Variants in SYNDIG1 observed in about 807,000 individuals in gnomAD.
SYNDIG1 encodes the protein synapse differentiation inducing 1, also known as synapse differentiation-inducing gene protein 1.
Under a neutral mutation model 19.4 loss-of-function variants are expected in SYNDIG1, and 9 were observed. The ratio of observed to expected loss-of-function variants is 0.46; its 90% CI spans 0.28 to 0.81. The LOEUF (loss-of-function observed/expected upper bound fraction) is 0.81. Ranked by LOEUF, SYNDIG1 falls within the 30% of genes least tolerant of loss-of-function variation. The pLI, the probability that SYNDIG1 is intolerant of heterozygous loss-of-function variation, is 0.12. For missense variants in SYNDIG1, 311 were observed against 343.3 expected, an observed-to-expected ratio of 0.91 and a Z score of 0.74; for synonymous variants, 141 against 145.9, an observed-to-expected ratio of 0.97 and a Z score of 0.24.
At chr20:24,485,473 G>A (rs915800039) in intron 1 of SYNDIG1, among the ~76,000 whole-genome samples, 2 of 152,172 alleles carry the variant, frequency 1.3e-5, no homozygotes, top group Admixed American at 1.3e-4. Context: ...GAGATAGAAA[G>A]GAAAAGTGGG....
intron 3 of SYNDIG1, among the ~76,000 whole-genome samples, chr20:24,607,533 A>G (rs1459951661): frequency 1.3e-5 from 2 of 152,124 alleles, no homozygotes; most frequent in Non-Finnish European, 2.9e-5. Flanking sequence ...CCCATGACGA[A>G]TGTTCACCCC....
intron 3 of SYNDIG1, among the ~76,000 whole-genome samples, chr20:24,663,118 C>T (rs1399576628): frequency 4.6e-5 from 7 of 152,198 alleles, no homozygotes; most frequent in African/African-American, 7.2e-5. Flanking sequence ...ATGTAAATGA[C>T]GTCTCTGCCT....
intron 3 of SYNDIG1, among the ~76,000 whole-genome samples, chr20:24,650,537 T>TA (rs1386980530): frequency 6.6e-6 from 1 of 152,138 alleles, no homozygotes; most frequent in East Asian, 1.9e-4. Context: ...TCACTTGAAT[T>TA]AAAAAAGATT....
intron 2 of SYNDIG1, among the ~76,000 whole-genome samples, chr20:24,562,733 T>A (rs1260112032): frequency 1.3e-5 from 2 of 152,212 alleles, no homozygotes; most frequent in Non-Finnish European, 2.9e-5. Flanking sequence ...GCTTTTCAGA[T>A]CTCTTGATGT....
At chr20:24,525,811 G>A (rs1340673573) in intron 1 of SYNDIG1, among the ~76,000 whole-genome samples, 2 of 152,136 alleles carry the variant, frequency 1.3e-5, no homozygotes, top group East Asian at 1.9e-4. Flanking sequence ...CAGCATAATT[G>A]AGAGCATACT....
Position 24,666,371 on chromosome 20 carries a change from A to C in SYNDIG1, c.*867A>C, listed in dbSNP as rs1212098342. The C allele has an allele frequency of 6.5e-6, 1 of 152,678 alleles. No homozygotes were observed. 9.5% of individuals were successfully genotyped at this position (152,678 alleles called of 1,614,324 possible). On this transcript the variant is annotated 3_prime_UTR_variant, in exon 4 of 4. Coordinates refer to ENST00000376862, the MANE Select transcript of SYNDIG1 (RefSeq NM_024893.3). ...CGCGCTGGCGGATGCTCACCCCGTC[A>C]TAAGCAGAAACTAGTGATCCTGGAA...
At chr20:24,609,292 T>G (rs989817066) in intron 3 of SYNDIG1, among the ~76,000 whole-genome samples, 2 of 152,212 alleles carry the variant, frequency 1.3e-5, no homozygotes, top group African/African-American at 4.8e-5. Context: ...CTGAAAAAAT[T>G]ACCTTGAGGT....
intron 3 of SYNDIG1, among the ~76,000 whole-genome samples, chr20:24,621,468 C>T: frequency 6.6e-6 from 1 of 152,308 alleles, no homozygotes; most frequent in East Asian, 1.9e-4. Context: ...TAAGTTTACA[C>T]TCTGCTTATT....
chr20:24,632,680 T>C (rs886693263), intron 3 of SYNDIG1, among the ~76,000 whole-genome samples: 1 of 152,204 alleles, frequency 6.6e-6, no homozygotes, highest in African/African-American at 2.4e-5. Flanking sequence ...GGTAACAAGA[T>C]GATAACGTGG....
intron 3 of SYNDIG1, among the ~76,000 whole-genome samples, chr20:24,622,184 G>A (rs1377161458): frequency 6.6e-6 from 1 of 152,204 alleles, no homozygotes; most frequent in Non-Finnish European, 1.5e-5. Flanking sequence ...TCAGCAGAAA[G>A]ATGAAAAGAA....
intron 1 of SYNDIG1, among the ~76,000 whole-genome samples, chr20:24,515,165 A>G (rs2056834749): frequency 6.6e-6 from 1 of 152,246 alleles, no homozygotes; most frequent in Admixed American, 6.5e-5. Flanking sequence ...TGCCCACAAG[A>G]GAAAGCAGGA....
intron 1 of SYNDIG1, among the ~76,000 whole-genome samples, chr20:24,542,536 C>G (rs2057488458): frequency 6.6e-6 from 1 of 152,176 alleles, no homozygotes; most frequent in South Asian, 2.1e-4. Context: ...GTAGCAGATT[C>G]GTGTTTGGGA....
chr20:24,625,678 G>C (rs2059114614), intron 3 of SYNDIG1, among the ~76,000 whole-genome samples: 1 of 151,698 alleles, frequency 6.6e-6, no homozygotes, highest in Non-Finnish European at 1.5e-5. Context: ...ACAGGGTTGG[G>C]GGTAAGGTCA....
At chr20:24,603,648 CAG>C (rs981239436) in intron 3 of SYNDIG1, among the ~76,000 whole-genome samples, 4 of 152,184 alleles carry the variant, frequency 2.6e-5, no homozygotes, top group Admixed American at 6.5e-5. Flanking sequence ...TGTCCACTAA[CAG>C]GGCATTCTCA....
rs555683584 is a variant in SYNDIG1 at position 24,556,321 on chromosome 20, G to A, written c.480+12744G>A. On this transcript the variant is annotated intron_variant, in intron 2 of 3. Transcript: ENST00000376862. ...TCCATTTACATTTAAAGTTGATATT[G>A]TTTTGTGTGAAATTGATCCTGTCAT... Among the ~76,000 whole-genome samples the A allele has an allele frequency of 2.6e-5, 4 of 152,270 alleles. No homozygotes were observed. The South Asian group carries it at 6.2e-4, about 24-fold the overall frequency.
chr20:24,475,777 C>T (rs1347101251), intron 1 of SYNDIG1, among the ~76,000 whole-genome samples: 1 of 152,184 alleles, frequency 6.6e-6, no homozygotes, highest in Admixed American at 6.5e-5. Flanking sequence ...TTACTTTTCT[C>T]TCCCAATTCC....
chr20:24,485,436 C>T (rs2055928819), intron 1 of SYNDIG1, among the ~76,000 whole-genome samples: 1 of 152,096 alleles, frequency 6.6e-6, no homozygotes, highest in African/African-American at 2.4e-5. Context: ...TTCTTCAATT[C>T]CATCTCTCTC....
At chr20:24,640,605 CA>C (rs1337655258) in intron 3 of SYNDIG1, among the ~76,000 whole-genome samples, 2 of 151,724 alleles carry the variant, frequency 1.3e-5, no homozygotes, top group Non-Finnish European at 2.9e-5. Context: ...ACCTTGTAAA[CA>C]AATGTGTTTT....
At chr20:24,600,373 A>C (rs1450875895) in intron 3 of SYNDIG1, among the ~76,000 whole-genome samples, 1 of 152,100 alleles carries the variant, frequency 6.6e-6, no homozygotes, top group Non-Finnish European at 1.5e-5. Flanking sequence ...TAGCTTAACA[A>C]ATTATTTTAA....
Sources: gnomAD v4.1 joint callset for allele counts (sites outside exome capture counted in the v4.1 genomes callset) on GRCh38, gnomAD v4.1.1 for gene constraint, MANE v1.5 for transcripts, NCBI Gene and HGNC (gene_info 2026-07-23, HGNC 2026-07-21) for gene names.